The following RIN2 variants were observed in gnomAD, a reference collection of about 807,000 sequenced individuals.
RIN2 encodes the protein Ras and Rab interactor 2.
A neutral mutation model predicts 78.0 loss-of-function variants in RIN2; 36 were observed. The observed-to-expected ratio is 0.46, with a 90% CI of 0.35 to 0.61. RIN2 has a LOEUF of 0.61. Among genes scored for constraint, RIN2 ranks in the 20% least tolerant of loss-of-function variants. The pLI is 0.00. For synonymous variants in RIN2, 466 were observed against 466.8 expected, an observed-to-expected ratio of 1.00 and a Z score of 0.02; for missense variants, 1,087 against 1,159.7, an observed-to-expected ratio of 0.94 and a Z score of 0.91.
intron 3 of RIN2, among the ~76,000 whole-genome samples, chr20:19,907,731 C>T (rs779526593): frequency 9.2e-5 from 14 of 152,182 alleles, no homozygotes; most frequent in East Asian, 1.9e-4. Context: ...CCTTTTCAAA[C>T]GTAGTAAAAG....
At chr20:19,976,387 A>G (rs2042280361) in intron 9 of RIN2, among the ~76,000 whole-genome samples, 1 of 152,124 alleles carries the variant, frequency 6.6e-6, no homozygotes, top group Non-Finnish European at 1.5e-5. Flanking sequence ...CATCCCATAC[A>G]CTTCTGTAAG....
At chr20:19,934,021 G>T (rs183694153) in intron 3 of RIN2, among the ~76,000 whole-genome samples, 137 of 152,126 alleles carry the variant, frequency 9.0e-4, no homozygotes, top group African/African-American at 3.2e-3. Flanking sequence ...TGTTGGCCAG[G>T]CTGGTCTTGA....
intron 3 of RIN2, among the ~76,000 whole-genome samples, chr20:19,920,295 CAAAAA>C (rs34086663): frequency 2.2e-4 from 21 of 95,368 alleles, no homozygotes; most frequent in South Asian, 6.1e-4. Flanking sequence ...GACTCTGTCT[CAAAAA>C]AAAAAAAAAA....
chr20:19,919,173 C>G (rs912324611), intron 3 of RIN2, among the ~76,000 whole-genome samples: 5 of 152,166 alleles, frequency 3.3e-5, no homozygotes, highest in Non-Finnish European at 7.3e-5. Context: ...GCGAGAGTCC[C>G]GGTTATATCC....
Position 19,975,060 on chromosome 20 carries a change from C to T in RIN2, c.1035C>T (p.Asn345=), listed in dbSNP as rs370057231. 2.5e-6 allele frequency: 4 copies of T among 1,612,922 alleles called. No homozygotes were observed. Among genetic ancestry groups the T allele is most frequent in the African/African-American group, 1.3e-5 (1 of 74,740 alleles). The change falls in exon 9 of 13, where the codon AAC becomes AAT. Residue 345 remains asparagine (N), a synonymous_variant. Coordinates refer to ENST00000255006, the MANE Select transcript of RIN2 (RefSeq NM_018993.4). The surrounding 1 kb of genome is among the most constrained non-coding windows in gnomAD (Gnocchi z 4.9). ...CAGTCAACCATAACAAACATGGGAA[C>T]GTAGCTCTGCCTGGAACGAAACCAA... The part of the protein sequence containing the change: ...PETVNHNKHG[N]VALPGTKPTP...
chr20:19,772,719 G>A (rs1366666136), intron 1 of RIN2, among the ~76,000 whole-genome samples: 1 of 152,204 alleles, frequency 6.6e-6, no homozygotes, highest in Non-Finnish European at 1.5e-5. Context: ...CCTGTGAGAT[G>A]ATCACTTCGT....
intron 2 of RIN2, among the ~76,000 whole-genome samples, chr20:19,815,251 G>A (rs79342213): frequency 0.024 from 3,705 of 152,226 alleles, 158 homozygotes; most frequent in African/African-American, 0.084. Context: ...AGCAATTTAT[G>A]CTAGTTAAGA....
At chr20:19,917,282 A>G (rs2039725407) in intron 3 of RIN2, among the ~76,000 whole-genome samples, 1 of 152,118 alleles carries the variant, frequency 6.6e-6, no homozygotes, top group East Asian at 1.9e-4. Flanking sequence ...CAACCAAGTG[A>G]TCTGTTGCCA....
intron 3 of RIN2, among the ~76,000 whole-genome samples, chr20:19,904,561 G>A (rs142200522): frequency 5.5e-4 from 84 of 152,202 alleles, no homozygotes; most frequent in African/African-American, 1.7e-3. Context: ...GAGCATTCCC[G>A]GATAAGGAAG....
intron 2 of RIN2, among the ~76,000 whole-genome samples, chr20:19,862,400 T>G (rs1487270976): frequency 6.6e-6 from 1 of 152,188 alleles, no homozygotes; most frequent in African/African-American, 2.4e-5. Context: ...GAGACCAGCC[T>G]GGCCAACATG....
chr20:19,853,866 A>G (rs1177890769), intron 2 of RIN2, among the ~76,000 whole-genome samples: 2 of 152,178 alleles, frequency 1.3e-5, no homozygotes, highest in Non-Finnish European at 2.9e-5. Flanking sequence ...TTTGCTGTGC[A>G]GAAGCTCTTT....
At chr20:19,906,411 T>C (rs748214251) in intron 3 of RIN2, among the ~76,000 whole-genome samples, 4 of 152,196 alleles carry the variant, frequency 2.6e-5, no homozygotes, top group Non-Finnish European at 5.9e-5. Context: ...ATCATGCCAC[T>C]GCACTCCAGA....
intron 1 of RIN2, among the ~76,000 whole-genome samples, chr20:19,775,833 C>G (rs1007942926): frequency 7.9e-5 from 12 of 152,238 alleles, no homozygotes; most frequent in Non-Finnish European, 1.3e-4. Context: ...CATTGCTTAG[C>G]TGAGTATGGG....
At chr20:19,819,701 ATTCTT>A (rs1224783957) in intron 2 of RIN2, among the ~76,000 whole-genome samples, 1 of 152,058 alleles carries the variant, frequency 6.6e-6, no homozygotes, top group African/African-American at 2.4e-5. Flanking sequence ...TGCCTAGCTA[ATTCTT>A]TTATTTTTGT....
chr20:19,937,052 G>A (rs1035846248), intron 4 of RIN2, among the ~76,000 whole-genome samples: 3 of 152,202 alleles, frequency 2.0e-5, no homozygotes, highest in African/African-American at 7.2e-5. Flanking sequence ...GCCTGCATTT[G>A]ACTGATGTGG....
At chr20:19,852,427 G>T (rs1329901360) in intron 2 of RIN2, among the ~76,000 whole-genome samples, 1 of 152,154 alleles carries the variant, frequency 6.6e-6, no homozygotes, top group Non-Finnish European at 1.5e-5. Flanking sequence ...CCTGTCATCC[G>T]CTCAGTGTAT....
At chr20:19,815,596 G>A (rs1328537772) in intron 2 of RIN2, among the ~76,000 whole-genome samples, 1 of 152,184 alleles carries the variant, frequency 6.6e-6, no homozygotes, top group Non-Finnish European at 1.5e-5. Context: ...CATGCTCGGT[G>A]TGGTATTTGC....
chr20:19,834,852 C>T lies in RIN2; in HGVS notation c.-37+35105C>T, dbSNP rs78576814. On this transcript the variant is annotated intron_variant, in intron 2 of 12. Transcript: ENST00000255006. ...CCTGCAATCCCAGCACTTTGAGAGA[C>T]TGAGGCAAGAGAATCCAGGAGGTCA... is the stretch of plus-strand genomic sequence containing the variant. Among the ~76,000 whole-genome samples the T allele has an allele frequency of 7.3e-3, 1,115 of 151,864 alleles. 13 individuals are homozygous for T. Among genetic ancestry groups the T allele is most frequent in the African/African-American group, 0.026 (1,060 of 41,374 alleles).
At chr20:19,960,973 C>A (rs1453999994) in intron 6 of RIN2, among the ~76,000 whole-genome samples, 162 bp downstream of exon 6, 2 of 152,190 alleles carry the variant, frequency 1.3e-5, no homozygotes, top group African/African-American at 4.8e-5. Flanking sequence ...TCAGTTTTCT[C>A]ATCTGTGTAA....
Sources: allele counts gnomAD v4.1 joint callset (sites outside exome capture counted in the v4.1 genomes callset), GRCh38; gene constraint gnomAD v4.1.1; non-coding constraint Gnocchi (gnomAD v3.1); transcripts MANE v1.5; gene names NCBI Gene and HGNC (gene_info 2026-07-23, HGNC 2026-07-21).